The following CERS4 variants were observed in gnomAD, a reference collection of about 807,000 sequenced individuals.
CERS4 encodes the protein ceramide synthase 4.
A neutral mutation model predicts 51.8 loss-of-function variants in CERS4; 65 were observed. The observed-to-expected ratio is 1.26, with a 90% CI of 1.03 to 1.54. The LOEUF is 1.54. CERS4 is among the 40% of genes most tolerant of loss of function. CERS4 has a pLI of 0.00. For missense variants in CERS4, 563 were observed against 500.4 expected (o/e 1.13, Z -1.19); for synonymous variants, 228 against 208.4 (o/e 1.09, Z -0.81).
intron 2 of CERS4, among the ~76,000 whole-genome samples, chr19:8,226,792 A>G (rs1967807530): frequency 1.3e-5 from 2 of 152,096 alleles, no homozygotes; most frequent in African/African-American, 4.8e-5. Context: ...CAAGAGTTCG[A>G]GACCAGCCTG....
intron 10 of CERS4, among the ~76,000 whole-genome samples, chr19:8,258,949 C>T (rs766063248): frequency 6.6e-5 from 10 of 151,670 alleles, no homozygotes; most frequent in Non-Finnish European, 1.5e-4. Context: ...CTTTGGCCAA[C>T]ACAGAGAAAC....
In CERS4 at chr19:8,221,043, T is replaced by G. The variant is rs902739016; in HGVS notation, c.-2+10181T>G. On this transcript the variant is annotated intron_variant, in intron 2 of 11. Transcript: ENST00000251363. ...GGTTTCACCCTGTTAGCCAGGATGG[T>G]CTCGATCTCCTGACCTTGTGATCTG... Among the ~76,000 whole-genome samples, 180 of 151,956 alleles carry G rather than the reference T, an allele frequency of 1.2e-3. 1 individual carries two copies. Among genetic ancestry groups the G allele is most frequent in the African/African-American group, 4.1e-3 (172 of 41,466 alleles).
At chr19:8,218,779 G>A (rs1410820802) in intron 2 of CERS4, among the ~76,000 whole-genome samples, 4 of 152,196 alleles carry the variant, frequency 2.6e-5, no homozygotes, top group African/African-American at 4.8e-5. Context: ...TTAAAGGGAC[G>A]ATAGGTAGCC....
At chr19:8,211,437 C>T (rs1418539124) in intron 2 of CERS4, among the ~76,000 whole-genome samples, 1 of 152,238 alleles carries the variant, frequency 6.6e-6, no homozygotes, top group East Asian at 1.9e-4. Flanking sequence ...GGGCTACTGA[C>T]TTCACCACTT....
At chr19:8,257,666 G>C (rs1715580055) in intron 9 of CERS4, among the ~76,000 whole-genome samples, 1 of 152,086 alleles carries the variant, frequency 6.6e-6, no homozygotes, top group Non-Finnish European at 1.5e-5. Flanking sequence ...CTGACCTCAG[G>C]TGATCTGCCT....
Position 8,218,084 on chromosome 19 carries a change from C to G in CERS4, c.-2+7222C>G, listed in dbSNP as rs531638105. Among the ~76,000 whole-genome samples, 81 of 152,320 alleles carry G rather than the reference C, an allele frequency of 5.3e-4. 1 individual carries two copies. The highest frequency in any genetic ancestry group is 1.9e-3 in the African/African-American group (77 of 41,576). Reference sequence around the variant, plus strand: ...GGTTCAAGCGATTCTACTGCCTCAGCCTCCCAAGTAACTGGGATTACAGGC... The same window carrying G: ...GGTTCAAGCGATTCTACTGCCTCAGGCTCCCAAGTAACTGGGATTACAGGC... On this transcript the variant is annotated intron_variant, in intron 2 of 11. Transcript: ENST00000251363.
rs891963581 is a variant in CERS4, at chr19:8,257,178, G to A, written c.741+101G>A. 3.9e-6 allele frequency: 5 copies of A among 1,270,394 alleles called. No homozygotes were observed. In the African/African-American group the frequency reaches 7.6e-5, roughly 19 times the overall value. The allele number at this position is 1,270,394 out of a possible 1,614,324, so 78.7% of individuals were successfully genotyped here. On this transcript the variant is annotated intron_variant, in intron 9 of 11. Transcript: ENST00000251363. ...TTCCTCCCAACCTTCCTGGGAGATG[G>A]AGCCCCACCCCTCCTGTCTTTCTCG...
At chr19:8,231,342 ATTTTTTTATCAGGCAG>A (rs1355647195) in intron 2 of CERS4, among the ~76,000 whole-genome samples, 8 of 151,982 alleles carry the variant, frequency 5.3e-5, no homozygotes, top group Non-Finnish European at 1.2e-4. Context: ...AAATTTAACT[ATTTTTTTATCAGGCAG>A]TTAACCTGGC....
intron 2 of CERS4, among the ~76,000 whole-genome samples, chr19:8,238,061 C>T (rs1291181093): frequency 6.6e-6 from 1 of 152,120 alleles, no homozygotes; most frequent in Non-Finnish European, 1.5e-5. Flanking sequence ...CCCTGCTCCA[C>T]TACTCCACCT....
intron 2 of CERS4, among the ~76,000 whole-genome samples, chr19:8,224,806 C>T (rs1001352210): frequency 2.0e-5 from 3 of 151,978 alleles, no homozygotes; most frequent in South Asian, 2.1e-4. Flanking sequence ...CGGACGTAAT[C>T]GTAGGGCTTA....
chr19:8,240,081 T>C (rs1568518325), intron 2 of CERS4, among the ~76,000 whole-genome samples: 1 of 151,974 alleles, frequency 6.6e-6, no homozygotes, highest in East Asian at 1.9e-4. Flanking sequence ...GAGGTGACAT[T>C]TGAGCTGAAA....
intron 2 of CERS4, among the ~76,000 whole-genome samples, chr19:8,248,127 C>G (rs1301697657): frequency 2.0e-5 from 3 of 152,128 alleles, no homozygotes; most frequent in East Asian, 3.8e-4. Context: ...TGTTATCTAC[C>G]CGGCCCGTTA....
chr19:8,215,547 G>A (rs1487895083), intron 2 of CERS4, among the ~76,000 whole-genome samples: 2 of 151,142 alleles, frequency 1.3e-5, no homozygotes, highest in Admixed American at 6.6e-5. Context: ...GCCTGCAGTC[G>A]CTCCCTTCCC....
intron 2 of CERS4, among the ~76,000 whole-genome samples, chr19:8,213,396 C>T (rs913185960): frequency 6.6e-6 from 1 of 152,004 alleles, no homozygotes; most frequent in African/African-American, 2.4e-5. Flanking sequence ...ACTGCAGCCT[C>T]GACCTCCTGA....
intron 2 of CERS4, among the ~76,000 whole-genome samples, chr19:8,222,827 G>C (rs546590564): frequency 6.6e-6 from 1 of 152,280 alleles, no homozygotes; most frequent in Non-Finnish European, 1.5e-5. Context: ...AGAGCAGTGA[G>C]TGCCTCACAG....
intron 2 of CERS4, among the ~76,000 whole-genome samples, chr19:8,249,638 CTGCAG>C (rs1406732533): frequency 7.1e-6 from 1 of 141,448 alleles, no homozygotes; most frequent in Non-Finnish European, 1.5e-5. Flanking sequence ...GTCACCCAGG[CTGCAG>C]TGCAGTGGCC....
rs377530063 is a variant in CERS4, at chr19:8,260,220, A to G, written c.849-1468A>G. On this transcript the variant is annotated intron_variant, in intron 10 of 11. Transcript: ENST00000251363. ...CTACAGCCAGTACTTTTTGAGATGG[A>G]GTCTTGCTCTGTCACCTAGACTGGA... is the stretch of plus-strand genomic sequence containing the variant. 4.6e-5 allele frequency among the ~76,000 whole-genome samples: 7 copies of G among 151,992 alleles called. No homozygotes were observed. The South Asian group carries it at 1.5e-3, about 32-fold the overall frequency.
At chr19:8,254,195 C>T (rs1469295910) in intron 3 of CERS4, among the ~76,000 whole-genome samples, 2 of 150,860 alleles carry the variant, frequency 1.3e-5, no homozygotes, top group South Asian at 2.1e-4. Flanking sequence ...TAGTGGCGGG[C>T]GCCTGCAGTC....
chr19:8,238,898 A>G (rs1162107950), intron 2 of CERS4, among the ~76,000 whole-genome samples: 1 of 152,090 alleles, frequency 6.6e-6, no homozygotes, highest in Non-Finnish European at 1.5e-5. Context: ...CAGGAGTGCA[A>G]GACCAGCCTG....
Sources: allele counts gnomAD v4.1 joint callset (sites outside exome capture counted in the v4.1 genomes callset), GRCh38; gene constraint gnomAD v4.1.1; transcripts MANE v1.5; gene names NCBI Gene and HGNC (gene_info 2026-07-23, HGNC 2026-07-21).